Variants in ANKS1B observed in about 807,000 individuals in gnomAD.
The protein encoded by ANKS1B is ankyrin repeat and sterile alpha motif domain-containing protein 1B.
ANKS1B carries 36 observed loss-of-function variants against 148.3 expected under a neutral mutation model. The ratio of observed to expected loss-of-function variants is 0.24; its 90% CI spans 0.19 to 0.32. ANKS1B has a LOEUF of 0.32. ANKS1B is among the 10% of genes least tolerant of loss of function. ANKS1B has a pLI of 1.00. For missense variants in ANKS1B, 1,157 were observed against 1,542.6 expected (o/e 0.75, Z 4.19); for synonymous variants, 542 against 560.8 (o/e 0.97, Z 0.47).
At chr12:99,510,188 T>C (rs1206187880) in intron 9 of ANKS1B, among the ~76,000 whole-genome samples, 1 of 152,058 alleles carries the variant, frequency 6.6e-6, no homozygotes, top group Non-Finnish European at 1.5e-5. Context: ...TAACGTTGTT[T>C]TCATGACTGT....
chr12:99,843,413 C>T (rs2086089131), intron 1 of ANKS1B, among the ~76,000 whole-genome samples: 1 of 152,034 alleles, frequency 6.6e-6, no homozygotes, highest in Non-Finnish European at 1.5e-5. Flanking sequence ...TCCTCTCACC[C>T]CCAACCCTCC....
Position 99,220,805 on chromosome 12 carries a change from C to T in ANKS1B, c.2419+23537G>A, listed in dbSNP as rs538329727. Among the ~76,000 whole-genome samples the T allele has an allele frequency of 8.3e-4, 126 of 152,144 alleles. 1 individual carries two copies. Among genetic ancestry groups the T allele is most frequent in the Non-Finnish European group, 1.5e-3 (102 of 67,996 alleles). ...AGGACTATTAATTCATTCAATAATA[C>T]AGGAACAATTAAATAGTCATCTAGT... On this transcript the variant is annotated intron_variant, in intron 14 of 26. Coordinates refer to ENST00000683438, the MANE Select transcript of ANKS1B (RefSeq NM_001352186.2).
At chr12:98,921,884 C>T in intron 17 of ANKS1B, among the ~76,000 whole-genome samples, 1 of 152,160 alleles carries the variant, frequency 6.6e-6, no homozygotes, top group Admixed American at 6.5e-5. Context: ...ACAAAGTCCA[C>T]AGTCTGAACC....
chr12:99,269,228 G>A (rs961143114), intron 12 of ANKS1B, among the ~76,000 whole-genome samples: 10 of 152,226 alleles, frequency 6.6e-5, no homozygotes, highest in East Asian at 1.9e-4. Flanking sequence ...TGCAGTTTTC[G>A]TTTTATATCA....
chr12:99,806,546 A>G lies in ANKS1B; in HGVS notation c.527T>C (p.Val176Ala). ...DLAALYGRLRVVKMIISAHPN... is the reference protein window; with the variant it reads ...DLAALYGRLRAVKMIISAHPN... ...ATGTGCACTGATGATCATTTTTACC[A>G]CTCTAAGCCGTCCGTAGAGTGCCGC... Residue 176 changes from valine (V) to alanine (A), a missense_variant, in exon 4 of 27, where the codon GTG (valine) becomes GCG (alanine). Around this residue, in one of 6 missense-constraint regions of ANKS1B, gnomAD observed 164 missense variants for 232.6 expected, o/e 0.71. Transcript: ENST00000683438. 1 of 1,613,292 alleles carries G rather than the reference A, an allele frequency of 6.2e-7. No individual in the cohort carries two copies. Among genetic ancestry groups the G allele is most frequent in the East Asian group, 2.2e-5 (1 of 44,810 alleles).
chr12:98,795,783 C>T, intron 22 of ANKS1B: 1 of 369,714 alleles, frequency 2.7e-6, no homozygotes, highest in South Asian at 2.1e-5. Flanking sequence ...GTGGAGTGGA[C>T]TGCCTGGTTT....
intron 9 of ANKS1B, among the ~76,000 whole-genome samples, chr12:99,581,619 G>C (rs185695357): frequency 6.6e-6 from 1 of 152,088 alleles, no homozygotes; most frequent in Non-Finnish European, 1.5e-5. Flanking sequence ...GGCCGGGCGC[G>C]GTGGCTCACG....
At chr12:99,517,067 G>C (rs1481380462) in intron 9 of ANKS1B, among the ~76,000 whole-genome samples, 1 of 152,052 alleles carries the variant, frequency 6.6e-6, no homozygotes, top group Non-Finnish European at 1.5e-5. Context: ...ATTGGTATTT[G>C]AGTAGGGATT....
chr12:99,145,308 C>T (rs1019694602), intron 15 of ANKS1B, among the ~76,000 whole-genome samples: 12 of 152,018 alleles, frequency 7.9e-5, no homozygotes, highest in Admixed American at 5.9e-4. Flanking sequence ...TATGCAAAGG[C>T]ACAGATATCT....
At chr12:99,707,171 A>G (rs1366646462) in intron 8 of ANKS1B, among the ~76,000 whole-genome samples, 2 of 152,086 alleles carry the variant, frequency 1.3e-5, no homozygotes, top group Admixed American at 1.3e-4. Flanking sequence ...CAAAACAAAG[A>G]TTGTTGAGTT....
At chr12:99,536,404 T>G (rs1279963577) in intron 9 of ANKS1B, among the ~76,000 whole-genome samples, 3 of 152,218 alleles carry the variant, frequency 2.0e-5, no homozygotes, top group Non-Finnish European at 4.4e-5. Context: ...AAATTAGTCT[T>G]TATTATAAAC....
intron 1 of ANKS1B, among the ~76,000 whole-genome samples, chr12:99,926,411 T>C (rs2094478288): frequency 2.0e-5 from 3 of 152,206 alleles, no homozygotes; most frequent in African/African-American, 7.2e-5. Context: ...TAGTTGAAAG[T>C]CTGGATAGAA....
chr12:99,564,921 T>C (rs955156615), intron 9 of ANKS1B, among the ~76,000 whole-genome samples: 1 of 152,164 alleles, frequency 6.6e-6, no homozygotes, highest in Non-Finnish European at 1.5e-5. Context: ...AATTATGGGA[T>C]TTCAAGTTAA....
chr12:98,823,193 G>C (rs913939609), intron 19 of ANKS1B, among the ~76,000 whole-genome samples: 3 of 152,206 alleles, frequency 2.0e-5, no homozygotes, highest in Admixed American at 6.5e-5. Flanking sequence ...TCTGAAGCTC[G>C]GGTGTCAGCT....
intron 22 of ANKS1B, among the ~76,000 whole-genome samples, chr12:98,792,135 G>C (rs1015021735): frequency 6.6e-6 from 1 of 152,094 alleles, no homozygotes; most frequent in African/African-American, 2.4e-5. Flanking sequence ...GAGAACTATG[G>C]GGAAACTATC....
chr12:99,825,183 T>A, intron 2 of ANKS1B, 126 bp downstream of exon 2: 1 of 719,652 alleles, frequency 1.4e-6, no homozygotes, highest in Non-Finnish European at 2.4e-6. Flanking sequence ...TGTCACCTGG[T>A]CCCTTTCCAA....
intron 4 of ANKS1B, among the ~76,000 whole-genome samples, chr12:99,805,104 G>A (rs1602515147): frequency 6.6e-6 from 1 of 152,026 alleles, no homozygotes; most frequent in South Asian, 2.1e-4. Context: ...AAGAGTTATT[G>A]TGTTAAGCTA....
intron 1 of ANKS1B, among the ~76,000 whole-genome samples, chr12:99,962,701 C>A (rs1405875222): frequency 6.6e-6 from 1 of 152,164 alleles, no homozygotes; most frequent in African/African-American, 2.4e-5. Context: ...CACAGTCTGG[C>A]CAGCATCTAT....
intron 1 of ANKS1B, among the ~76,000 whole-genome samples, chr12:99,877,093 C>G (rs574724556): frequency 6.6e-6 from 1 of 151,410 alleles, no homozygotes; most frequent in African/African-American, 2.4e-5. Context: ...ACCCACTTCA[C>G]CCCCCCACCC....
Sources: gnomAD v4.1 joint callset for allele counts (sites outside exome capture counted in the v4.1 genomes callset) on GRCh38, gnomAD v4.1.1 for gene constraint, gnomAD v4.1.1 regional missense constraint, MANE v1.5 for transcripts, NCBI Gene and HGNC (gene_info 2026-07-23, HGNC 2026-07-21) for gene names.